Variants in FGF12 observed in about 807,000 individuals in gnomAD.
The protein encoded by FGF12 is fibroblast growth factor 12.
A neutral mutation model predicts 23.6 loss-of-function variants in FGF12; 14 were observed. The ratio of observed to expected loss-of-function variants is 0.59; its 90% CI spans 0.39 to 0.93. The LOEUF (loss-of-function observed/expected upper bound fraction) is 0.93, where lower values mean the gene tolerates loss of function less well. FGF12 is among the 40% of genes least tolerant of loss of function. The probability of loss-of-function intolerance (pLI) is 0.00; values close to 1 mark genes in which losing one functional copy is unlikely to be tolerated. For missense variants in FGF12, 175 were observed against 217.8 expected (o/e 0.80, Z 1.24); for synonymous variants, 62 against 77.3 (o/e 0.80, Z 1.04).
At chr3:192,213,097 G>A (rs776518949) in intron 4 of FGF12, among the ~76,000 whole-genome samples, 2 of 152,206 alleles carry the variant, frequency 1.3e-5, no homozygotes, top group Non-Finnish European at 2.9e-5. Flanking sequence ...TGCACAAGAA[G>A]GTTCCTCACA....
At chr3:192,239,838 A>T (rs1288952305) in intron 4 of FGF12, among the ~76,000 whole-genome samples, 1 of 152,242 alleles carries the variant, frequency 6.6e-6, no homozygotes, top group African/African-American at 2.4e-5. Context: ...GACTGTTGTG[A>T]TAGACTACTA....
At chr3:192,248,308 T>C (rs1052824351) in intron 4 of FGF12, among the ~76,000 whole-genome samples, 10 of 152,218 alleles carry the variant, frequency 6.6e-5, no homozygotes, top group African/African-American at 2.2e-4. Context: ...TTTTCAGATG[T>C]ATAGATGTGG....
chr3:192,275,662 G>C (rs976283512), intron 4 of FGF12, among the ~76,000 whole-genome samples: 1 of 152,186 alleles, frequency 6.6e-6, no homozygotes, highest in African/African-American at 2.4e-5. Flanking sequence ...ATAATGAAGA[G>C]AGTTTGCCCA....
intron 5 of FGF12, among the ~76,000 whole-genome samples, chr3:192,165,540 GTGGAAA>G (rs1715119388): frequency 6.7e-6 from 1 of 149,146 alleles, no homozygotes; most frequent in Non-Finnish European, 1.5e-5. Flanking sequence ...TTTTTGCTGA[GTGGAAA>G]TAAACCTTGT....
chr3:192,359,412 C>G (rs1189007105), intron 3 of FGF12, among the ~76,000 whole-genome samples: 1 of 152,134 alleles, frequency 6.6e-6, no homozygotes, highest in Non-Finnish European at 1.5e-5. Context: ...AGATTATCAG[C>G]CTGATCACAA....
chr3:192,642,693 T>A (rs1468650223), intron 2 of FGF12, among the ~76,000 whole-genome samples: 1 of 152,236 alleles, frequency 6.6e-6, no homozygotes, highest in East Asian at 1.9e-4. Context: ...TCAGGAAAGA[T>A]TTCACATAGC....
intron 2 of FGF12, among the ~76,000 whole-genome samples, chr3:192,652,677 A>T (rs1716257677): frequency 6.6e-6 from 1 of 152,168 alleles, no homozygotes; most frequent in Non-Finnish European, 1.5e-5. Context: ...ATAAACTCTG[A>T]GGGTAGGGCC....
At chr3:192,682,797 A>C (rs576944186) in intron 2 of FGF12, among the ~76,000 whole-genome samples, 1 of 152,234 alleles carries the variant, frequency 6.6e-6, no homozygotes, top group Non-Finnish European at 1.5e-5. Context: ...TGCAACTTTG[A>C]GCCATGGGTC....
At chr3:192,635,765 A>G (rs1454906321) in intron 2 of FGF12, among the ~76,000 whole-genome samples, 1 of 152,106 alleles carries the variant, frequency 6.6e-6, no homozygotes, top group Non-Finnish European at 1.5e-5. Context: ...TCCTTTTAGT[A>G]TATGTTAGTG....
At chr3:192,161,534 AC>A (rs1714882662) in intron 5 of FGF12, among the ~76,000 whole-genome samples, 2 of 145,052 alleles carry the variant, frequency 1.4e-5, no homozygotes, top group African/African-American at 2.5e-5. Context: ...ACACACACAC[AC>A]ATCACATCAC....
chr3:192,405,768 T>C (rs79776541), intron 2 of FGF12, among the ~76,000 whole-genome samples: 1 of 152,250 alleles, frequency 6.6e-6, no homozygotes, highest in African/African-American at 2.4e-5. Context: ...ACTTATTCCA[T>C]GCTATGTGAA....
chr3:192,156,219 G>A (rs1489950978), intron 5 of FGF12, among the ~76,000 whole-genome samples: 1 of 152,040 alleles, frequency 6.6e-6, no homozygotes, highest in Non-Finnish European at 1.5e-5. Flanking sequence ...CAAAGAAACA[G>A]AAACTCCCTA....
chr3:192,372,526 T>A (rs1020034033), intron 2 of FGF12, among the ~76,000 whole-genome samples: 13 of 152,106 alleles, frequency 8.5e-5, no homozygotes, highest in African/African-American at 2.9e-4. Context: ...TCAGCCTTGA[T>A]CCTGGTAAAT....
intron 3 of FGF12, among the ~76,000 whole-genome samples, chr3:192,342,139 T>C (rs1717722858): frequency 6.6e-6 from 1 of 152,212 alleles, no homozygotes; most frequent in Non-Finnish European, 1.5e-5. Flanking sequence ...TGATCCCCAA[T>C]GCCTAGCATG....
At chr3:192,694,322 C>T (rs778222916) in intron 2 of FGF12, among the ~76,000 whole-genome samples, 1 of 151,960 alleles carries the variant, frequency 6.6e-6, no homozygotes, top group Non-Finnish European at 1.5e-5. Context: ...GCTATTATGA[C>T]GAACAGTATG....
intron 2 of FGF12, among the ~76,000 whole-genome samples, chr3:192,449,430 G>T (rs1360566336): frequency 6.6e-6 from 1 of 152,136 alleles, no homozygotes; most frequent in East Asian, 1.9e-4. Flanking sequence ...TCTTGCCATG[G>T]ATCTCCCAAT....
At chr3:192,466,266 C>T (rs1449459920) in intron 2 of FGF12, among the ~76,000 whole-genome samples, 1 of 152,202 alleles carries the variant, frequency 6.6e-6, no homozygotes, top group Non-Finnish European at 1.5e-5. Flanking sequence ...AGGCAAGTCT[C>T]TTGTTGACTG....
chr3:192,702,233 T>C (rs976831556), intron 2 of FGF12, among the ~76,000 whole-genome samples: 1 of 152,218 alleles, frequency 6.6e-6, no homozygotes. Flanking sequence ...GTTTATTATA[T>C]ATATACCACA....
intron 4 of FGF12, among the ~76,000 whole-genome samples, chr3:192,239,142 T>C (rs1163342996): frequency 1.3e-5 from 2 of 152,208 alleles, no homozygotes; most frequent in Non-Finnish European, 2.9e-5. Context: ...AAAATATAAA[T>C]TGAGCCCAAA....
Sources: gnomAD v4.1 joint callset for allele counts (sites outside exome capture counted in the v4.1 genomes callset) on GRCh38, gnomAD v4.1.1 for gene constraint, MANE v1.5 for transcripts, NCBI Gene and HGNC (gene_info 2026-07-23, HGNC 2026-07-21) for gene names.